Variants in GREM2 observed in about 807,000 individuals in gnomAD.
The protein encoded by GREM2 is gremlin 2, DAN family BMP antagonist, also known as gremlin-2.
GREM2 carries 11 observed loss-of-function variants against 14.2 expected under a neutral mutation model. The observed-to-expected ratio is 0.78, with a 90% CI of 0.49 to 1.28. The LOEUF is 1.28. Among genes scored for constraint, GREM2 ranks in the 50% most tolerant of loss-of-function variants. The pLI is 0.00. For synonymous variants in GREM2, 98 were observed against 97.6 expected (o/e 1.00, Z -0.02); for missense variants, 210 against 218.5 (o/e 0.96, Z 0.24).
intron 1 of GREM2, among the ~76,000 whole-genome samples, chr1:240,513,636 A>G (rs1296042308): frequency 3.3e-5 from 5 of 151,512 alleles, no homozygotes; most frequent in African/African-American, 1.2e-4. Flanking sequence ...TGGAACTTAC[A>G]GTGCGAGGGG....
rs1436946346 is a variant in GREM2 at position 240,587,684 on chromosome 1, A to C, written c.-2+24200T>G. Among the ~76,000 whole-genome samples the C allele has an allele frequency of 2.6e-5, 4 of 152,162 alleles. No homozygotes were observed. In the East Asian group the frequency reaches 7.7e-4, roughly 29 times the overall value. On this transcript the variant is annotated intron_variant, in intron 1 of 1. Transcript: ENST00000318160. The stretch of plus-strand genomic sequence containing the variant: ...TTAATATACTATTCTTATTAGCTGC[A>C]TTATGTTACATTGTGTAGATATAAT...
At position 240,515,547 on chromosome 1, in the gene GREM2, C is replaced by T. The variant is rs181353813; in HGVS notation, c.-1-22071G>A. 4.6e-5 allele frequency among the ~76,000 whole-genome samples: 7 copies of T among 152,144 alleles called. No individual in the cohort carries two copies. In the East Asian group the frequency reaches 1.4e-3, roughly 29 times the overall value. ...TTATTTTTCCTCATTTACTCATTTC[C>T]TTTCTCTCTCTGGGAGGGCACTTTT... On this transcript the variant is annotated intron_variant, in intron 1 of 1. Transcript: ENST00000318160.
Position 240,492,952 on chromosome 1 carries a change from T to C in GREM2, c.*17A>G. The C allele has an allele frequency of 6.7e-7, 1 of 1,496,736 alleles. No individual in the cohort carries two copies. The highest frequency in any genetic ancestry group is 8.9e-7 in the Non-Finnish European group (1 of 1,120,606). 92.7% of individuals were successfully genotyped at this position (1,496,736 alleles called of 1,614,324 possible). ...CGGCCGGGCGCGCGCGGGGCTGAGC[T>C]GCGTCCGGCCCGGCGCTCACTGCTT... On this transcript the variant is annotated 3_prime_UTR_variant, in exon 2 of 2. Coordinates refer to ENST00000318160, the MANE Select transcript of GREM2 (RefSeq NM_022469.4).
At position 240,552,558 on chromosome 1, in the gene GREM2, G is replaced by A. The variant is rs1027958563; in HGVS notation, c.-1-59082C>T. On this transcript the variant is annotated intron_variant, in intron 1 of 1. Transcript: ENST00000318160. ...TACAGCGAGCTGTGATCGGGCCACT[G>A]CACTCCAGCAGAGCAAGACCCTATC... is the stretch of plus-strand genomic sequence containing the variant. Among the ~76,000 whole-genome samples the A allele has an allele frequency of 1.4e-4, 21 of 152,194 alleles. 1 individual carries two copies. Among genetic ancestry groups the A allele is most frequent in the African/African-American group, 4.8e-4 (20 of 41,456 alleles).
rs1677206095 is a variant in GREM2 at position 240,489,797 on chromosome 1, C to T, written c.*3172G>A. On this transcript the variant is annotated 3_prime_UTR_variant, in exon 2 of 2. Coordinates refer to ENST00000318160, the MANE Select transcript of GREM2 (RefSeq NM_022469.4). ...CAATAGCAAAAGTCATTTTCATTGACTTTATAACTTAAAAATCATCTGGCC... is the reference window on the plus strand; with the variant it reads ...CAATAGCAAAAGTCATTTTCATTGATTTTATAACTTAAAAATCATCTGGCC... 1 of 152,104 alleles carries T rather than the reference C, an allele frequency of 6.6e-6. No individual in the cohort carries two copies. The highest frequency in any genetic ancestry group is 6.6e-5 in the Admixed American group (1 of 15,266). 9.4% of individuals were successfully genotyped at this position (152,104 alleles called of 1,614,324 possible).
In GREM2 at chr1:240,493,718, A is replaced by G. The variant is rs57612356; in HGVS notation, c.-1-242T>C. On this transcript the variant is annotated intron_variant, in intron 1 of 1. Coordinates refer to ENST00000318160, the MANE Select transcript of GREM2 (RefSeq NM_022469.4). ...TTTCTTTTTATTTTTTTTTGTAGAG[A>G]CGGGATCTCACCATGTTACCCAGGC... Among the ~76,000 whole-genome samples, 769 of 151,576 alleles carry G rather than the reference A, an allele frequency of 5.1e-3. 3 individuals are homozygous for G. Among genetic ancestry groups the G allele is most frequent in the African/African-American group, 0.018 (726 of 41,372 alleles).
At chr1:240,596,897 A>G (rs2102867980) in intron 1 of GREM2, among the ~76,000 whole-genome samples, 1 of 152,264 alleles carries the variant, frequency 6.6e-6, no homozygotes, top group Admixed American at 6.5e-5. Flanking sequence ...GGGCAGAGAG[A>G]AAAAAAGGAC....
chr1:240,549,471 T>C (rs1194583379), intron 1 of GREM2, among the ~76,000 whole-genome samples: 3 of 152,180 alleles, frequency 2.0e-5, no homozygotes, highest in Non-Finnish European at 4.4e-5. Flanking sequence ...AAGGGACTTT[T>C]TGTTTTTAGA....
chr1:240,541,883 C>A (rs1678597501), intron 1 of GREM2, among the ~76,000 whole-genome samples: 1 of 152,266 alleles, frequency 6.6e-6, no homozygotes, highest in African/African-American at 2.4e-5. Context: ...GCAGAGAATC[C>A]AGAATGGCAG....
chr1:240,567,358 A>C (rs1256356940), intron 1 of GREM2, among the ~76,000 whole-genome samples: 1 of 152,150 alleles, frequency 6.6e-6, no homozygotes, highest in Non-Finnish European at 1.5e-5. Flanking sequence ...AAACACAAGA[A>C]AACTGAAACA....
chr1:240,520,705 G>C (rs1678065447), intron 1 of GREM2, among the ~76,000 whole-genome samples: 1 of 151,918 alleles, frequency 6.6e-6, no homozygotes, highest in Non-Finnish European at 1.5e-5. Flanking sequence ...ACCATGCCCA[G>C]CTAATTTTTG....
At chr1:240,571,680 A>C (rs1679263849) in intron 1 of GREM2, among the ~76,000 whole-genome samples, 1 of 152,186 alleles carries the variant, frequency 6.6e-6, no homozygotes, top group Admixed American at 6.5e-5. Context: ...CCTGGGCAAG[A>C]AGAGTGAAAC....
At chr1:240,541,932 T>A (rs1678598206) in intron 1 of GREM2, among the ~76,000 whole-genome samples, 1 of 152,174 alleles carries the variant, frequency 6.6e-6, no homozygotes, top group Admixed American at 6.5e-5. Context: ...ACTGTCTTTA[T>A]CACTCCTATC....
At chr1:240,562,827 TGA>T (rs1679076703) in intron 1 of GREM2, among the ~76,000 whole-genome samples, 4 of 148,628 alleles carry the variant, frequency 2.7e-5, no homozygotes, top group Admixed American at 2.0e-4. Context: ...TGTGTACACG[TGA>T]GTGTGTGTAT....
chr1:240,531,171 T>C (rs1435261061), intron 1 of GREM2, among the ~76,000 whole-genome samples: 1 of 152,216 alleles, frequency 6.6e-6, no homozygotes, highest in Non-Finnish European at 1.5e-5. Flanking sequence ...TGGATTCCCA[T>C]AAGAGGAAGA....
chr1:240,516,126 A>AC (rs1677950875), intron 1 of GREM2, among the ~76,000 whole-genome samples: 1 of 97,514 alleles, frequency 1.0e-5, no homozygotes, highest in Non-Finnish European at 1.8e-5. Context: ...TCCAACCCTG[A>AC]CTTTTTTTTT....
At chr1:240,551,991 G>C (rs1572395342) in intron 1 of GREM2, among the ~76,000 whole-genome samples, 1 of 152,120 alleles carries the variant, frequency 6.6e-6, no homozygotes, top group East Asian at 1.9e-4. Context: ...AATAGCCCAG[G>C]ACTATGAAGC....
chr1:240,591,471 A>G (rs1361730078), intron 1 of GREM2, among the ~76,000 whole-genome samples: 6 of 152,210 alleles, frequency 3.9e-5, no homozygotes, highest in African/African-American at 1.2e-4. Flanking sequence ...GAGGAGGCCC[A>G]TGTGTACAGA....
chr1:240,500,355 G>C lies in GREM2; in HGVS notation c.-1-6879C>G, dbSNP rs183848926. ...GCTCTGTTGCCCAGGCTGGAGTGCA[G>C]TGGCGCGATCTTGGCTCACTGCAAG... On this transcript the variant is annotated intron_variant, in intron 1 of 1. Coordinates refer to ENST00000318160, the MANE Select transcript of GREM2 (RefSeq NM_022469.4). Among the ~76,000 whole-genome samples, 583 of 151,552 alleles carry C rather than the reference G, an allele frequency of 3.8e-3. 3 individuals are homozygous for C. Among genetic ancestry groups the C allele is most frequent in the African/African-American group, 0.013 (552 of 41,298 alleles).
Sources: gnomAD v4.1 joint callset for allele counts (sites outside exome capture counted in the v4.1 genomes callset) on GRCh38, gnomAD v4.1.1 for gene constraint, MANE v1.5 for transcripts, NCBI Gene and HGNC (gene_info 2026-07-23, HGNC 2026-07-21) for gene names.